The following ATP8A2 variants were observed in gnomAD, a reference collection of about 807,000 sequenced individuals.
The protein encoded by ATP8A2 is phospholipid-transporting ATPase IB.
In ATP8A2, 100 loss-of-function variants were observed where a neutral mutation model predicts 165.6. The observed-to-expected ratio is 0.60, with a 90% CI of 0.51 to 0.71. The LOEUF is 0.71. Among genes scored for constraint, ATP8A2 ranks in the 30% least tolerant of loss-of-function variants. The pLI, the probability that ATP8A2 is intolerant of heterozygous loss-of-function variation, is 0.00. For missense variants in ATP8A2, 1,227 were observed against 1,479.5 expected, an observed-to-expected ratio of 0.83 and a Z score of 2.80; for synonymous variants, 543 against 548.8, an observed-to-expected ratio of 0.99 and a Z score of 0.15.
chr13:25,633,131 G>T (rs1474102045), intron 24 of ATP8A2, among the ~76,000 whole-genome samples: 2 of 152,220 alleles, frequency 1.3e-5, no homozygotes, highest in African/African-American at 4.8e-5. Context: ...GATGCAGTCA[G>T]ATTTCTCTTG....
At chr13:25,524,379 T>G (rs1017694578) in intron 2 of ATP8A2, among the ~76,000 whole-genome samples, 1 of 152,168 alleles carries the variant, frequency 6.6e-6, no homozygotes, top group African/African-American at 2.4e-5. Context: ...AGTCTTGTTT[T>G]GTCTAGTATA....
At chr13:25,842,626 C>A (rs1380479822) in intron 30 of ATP8A2, among the ~76,000 whole-genome samples, 1 of 149,980 alleles carries the variant, frequency 6.7e-6, no homozygotes, top group Non-Finnish European at 1.5e-5. Flanking sequence ...GAGCCAAGAT[C>A]GTGCCACTGC....
intron 25 of ATP8A2, among the ~76,000 whole-genome samples, chr13:25,742,894 C>G (rs2043947804): frequency 6.6e-6 from 1 of 151,940 alleles, no homozygotes; most frequent in Non-Finnish European, 1.5e-5. Flanking sequence ...TGGAGGTGCT[C>G]TTATAGCACA....
intron 33 of ATP8A2, chr13:25,950,592 A>G (rs1207585415): frequency 2.0e-5 from 3 of 152,334 alleles, no homozygotes; most frequent in Non-Finnish European, 2.9e-5. Flanking sequence ...GTTACCACCA[A>G]TTCAAACCAA....
In ATP8A2 at chr13:25,774,938, C is replaced by T. The variant is rs116883114; in HGVS notation, c.2658C>T (p.Asn886=). 10,204 of 1,608,930 alleles carry T rather than the reference C, an allele frequency of 6.3e-3. 55 individuals are homozygous for T. Among genetic ancestry groups the T allele is most frequent in the Non-Finnish European group, 7.6e-3 (8,964 of 1,175,470 alleles). The part of the protein sequence containing the change: ...TKCILYCFYK[N]VVLYIIELWF... The stretch of plus-strand genomic sequence containing the variant: ...GCATCTTGTACTGCTTCTATAAGAA[C>T]GTGGTCCTGTATATTATTGAGGTAA... Residue 886 remains asparagine (N), a synonymous_variant, in exon 27 of 37, where the codon AAC becomes AAT. Coordinates refer to ENST00000381655, the MANE Select transcript of ATP8A2 (RefSeq NM_016529.6).
intron 2 of ATP8A2, among the ~76,000 whole-genome samples, chr13:25,514,450 C>G (rs920054613): frequency 2.0e-5 from 3 of 152,138 alleles, no homozygotes; most frequent in Admixed American, 6.6e-5. Flanking sequence ...ATGGGGTGCT[C>G]TGTGAGTGCA....
chr13:25,608,133 C>CTA (rs2040566304), intron 24 of ATP8A2, among the ~76,000 whole-genome samples: 2 of 152,130 alleles, frequency 1.3e-5, no homozygotes, highest in Admixed American at 1.3e-4. Flanking sequence ...GGTTCTGGGA[C>CTA]TATACAAGAA....
chr13:25,836,906 T>A (rs1201290165), intron 28 of ATP8A2, among the ~76,000 whole-genome samples: 1 of 152,238 alleles, frequency 6.6e-6, no homozygotes, highest in Non-Finnish European at 1.5e-5. Flanking sequence ...GGAAGGTAGT[T>A]GCTAATTTAA....
chr13:25,814,479 A>G (rs889528219), intron 27 of ATP8A2, among the ~76,000 whole-genome samples: 6 of 152,098 alleles, frequency 3.9e-5, no homozygotes, highest in African/African-American at 1.4e-4. Flanking sequence ...AGAACTTACT[A>G]CAGAGCTACA....
At chr13:25,852,409 A>G (rs900390116) in intron 30 of ATP8A2, among the ~76,000 whole-genome samples, 1 of 152,112 alleles carries the variant, frequency 6.6e-6, no homozygotes, top group Admixed American at 6.5e-5. Context: ...GTCCACACCA[A>G]CTCAGAATAA....
chr13:25,435,214 G>A (rs571512748), intron 1 of ATP8A2, among the ~76,000 whole-genome samples: 27 of 150,780 alleles, frequency 1.8e-4, no homozygotes, highest in East Asian at 3.9e-4. Flanking sequence ...TCCACCTCCC[G>A]GTTTCAAGCG....
intron 36 of ATP8A2, among the ~76,000 whole-genome samples, chr13:26,013,321 T>C (rs996173171): frequency 1.4e-4 from 21 of 152,040 alleles, no homozygotes; most frequent in African/African-American, 4.8e-4. Flanking sequence ...TTTCCTCCCA[T>C]ACTTACTCCC....
chr13:25,887,082 G>A (rs927272377), intron 33 of ATP8A2, among the ~76,000 whole-genome samples: 9 of 152,154 alleles, frequency 5.9e-5, no homozygotes, highest in African/African-American at 1.9e-4. Context: ...TGGTGTTGGA[G>A]GTCAGGAGCG....
At chr13:25,891,034 T>C (rs573271800) in intron 33 of ATP8A2, among the ~76,000 whole-genome samples, 1 of 152,248 alleles carries the variant, frequency 6.6e-6, no homozygotes, top group East Asian at 1.9e-4. Flanking sequence ...GGTGAGGAAA[T>C]GAACCTCACA....
At chr13:25,537,709 A>C (rs9581383) in intron 6 of ATP8A2, among the ~76,000 whole-genome samples, 10,173 of 152,232 alleles carry the variant, frequency 0.067, 456 homozygotes, top group South Asian at 0.13. Flanking sequence ...TAATTGTAAG[A>C]AAACGAGATC....
At chr13:25,489,700 G>T (rs1316201400) in intron 2 of ATP8A2, among the ~76,000 whole-genome samples, 3 of 152,216 alleles carry the variant, frequency 2.0e-5, no homozygotes, top group South Asian at 4.1e-4. Context: ...TTAATGTGTT[G>T]TTCTCAGATA....
intron 33 of ATP8A2, among the ~76,000 whole-genome samples, chr13:25,947,940 C>T (rs148333755): frequency 9.0e-4 from 137 of 152,246 alleles, no homozygotes; most frequent in African/African-American, 3.1e-3. Flanking sequence ...ATGCTTGCCA[C>T]TGCCTGATGA....
At chr13:25,537,415 A>G (rs1332114183) in intron 6 of ATP8A2, among the ~76,000 whole-genome samples, 2 of 152,162 alleles carry the variant, frequency 1.3e-5, no homozygotes, top group African/African-American at 4.8e-5. Flanking sequence ...CTGCACCTCA[A>G]TTTGTAAAAC....
chr13:25,391,777 G>A (rs1456166860), intron 1 of ATP8A2, among the ~76,000 whole-genome samples: 1 of 152,306 alleles, frequency 6.6e-6, no homozygotes, highest in Non-Finnish European at 1.5e-5. Context: ...TACAGAGGCC[G>A]TACAGAAGGA....
Sources: gnomAD v4.1 joint callset for allele counts (sites outside exome capture counted in the v4.1 genomes callset) on GRCh38, gnomAD v4.1.1 for gene constraint, MANE v1.5 for transcripts, NCBI Gene and HGNC (gene_info 2026-07-23, HGNC 2026-07-21) for gene names.